The following KLF12 variants were observed in gnomAD, a reference collection of about 807,000 sequenced individuals.
KLF12 encodes the protein KLF transcription factor 12.
KLF12 carries 9 observed loss-of-function variants against 37.8 expected under a neutral mutation model. The observed-to-expected ratio is 0.24, with a 90% CI of 0.14 to 0.42. The LOEUF is 0.42. Among genes scored for constraint, KLF12 ranks in the 10% least tolerant of loss-of-function variants. The pLI is 1.00. For synonymous variants in KLF12, 208 were observed against 202.1 expected, an observed-to-expected ratio of 1.03 and a Z score of -0.25; for missense variants, 411 against 516.0, an observed-to-expected ratio of 0.80 and a Z score of 1.97.
At chr13:73,724,064 CA>C (rs539348175) in intron 6 of KLF12, among the ~76,000 whole-genome samples, 59 of 152,260 alleles carry the variant, frequency 3.9e-4, no homozygotes, top group African/African-American at 1.1e-3. Flanking sequence ...GATTATAAAT[CA>C]TTCTACTATA....
chr13:73,854,568 A>C (rs1885507788), intron 3 of KLF12, among the ~76,000 whole-genome samples: 1 of 152,230 alleles, frequency 6.6e-6, no homozygotes, highest in African/African-American at 2.4e-5. Flanking sequence ...TTAGCAAAAC[A>C]ATGGCTTTGC....
intron 1 of KLF12, among the ~76,000 whole-genome samples, chr13:74,034,326 C>A (rs1458850720): frequency 6.6e-6 from 1 of 152,200 alleles, no homozygotes; most frequent in Non-Finnish European, 1.5e-5. Context: ...GCCTTGGCCT[C>A]CCAAAGTGCT....
chr13:73,982,823 TA>T (rs1891722186), intron 2 of KLF12, among the ~76,000 whole-genome samples: 1 of 152,154 alleles, frequency 6.6e-6, no homozygotes, highest in South Asian at 2.1e-4. Context: ...ATCTACCACA[TA>T]CTGGAAAACT....
In KLF12 at chr13:73,705,461, A is replaced by G. The variant is rs145710416; in HGVS notation, c.1028-9790T>C. Among the ~76,000 whole-genome samples the G allele has an allele frequency of 2.5e-3, 384 of 152,170 alleles. 2 individuals carry two copies. The highest frequency in any genetic ancestry group is 4.4e-3 in the Non-Finnish European group (297 of 68,000). On this transcript the variant is annotated intron_variant, in intron 7 of 7. Transcript: ENST00000377669. ...GCTAATTTTTGTAATTTTAGTAGAG[A>G]TGGGTTTTGCCATGTTGGCCAGGCT... is the stretch of plus-strand genomic sequence containing the variant.
intron 1 of KLF12, among the ~76,000 whole-genome samples, chr13:73,997,078 G>A (rs1025132493): frequency 6.6e-6 from 1 of 152,078 alleles, no homozygotes; most frequent in African/African-American, 2.4e-5. Context: ...AGCATGGGAC[G>A]GCCTGATACA....
chr13:73,955,208 A>G (rs1280881633), intron 2 of KLF12, among the ~76,000 whole-genome samples: 1 of 152,242 alleles, frequency 6.6e-6, no homozygotes, highest in Non-Finnish European at 1.5e-5. Flanking sequence ...AATAGCAGTA[A>G]TAGTGGTATT....
the KLF12 span, among the ~76,000 whole-genome samples, chr13:74,226,832 C>T: frequency 6.8e-4 from 103 of 152,176 alleles, 1 homozygote; most frequent in African/African-American, 2.3e-3. Flanking sequence ...TGATACCATA[C>T]GTTACATATA....
At chr13:73,856,199 G>T (rs534307382) in intron 3 of KLF12, among the ~76,000 whole-genome samples, 155 of 152,290 alleles carry the variant, frequency 1.0e-3, no homozygotes, top group African/African-American at 3.5e-3. Flanking sequence ...CAGAAAGGAG[G>T]ACAACTGATG....
intron 1 of KLF12, among the ~76,000 whole-genome samples, chr13:74,004,933 C>G (rs1166207917): frequency 6.8e-6 from 1 of 146,260 alleles, no homozygotes; most frequent in Admixed American, 6.8e-5. Context: ...AACCTGTGCA[C>G]AGACAAAAAA....
intron 5 of KLF12, among the ~76,000 whole-genome samples, chr13:73,776,272 C>T (rs986628607): frequency 1.7e-4 from 26 of 152,118 alleles, no homozygotes; most frequent in South Asian, 4.2e-4. Flanking sequence ...CGGTCTGATC[C>T]GTAAACAGCT....
the KLF12 span, among the ~76,000 whole-genome samples, chr13:74,245,468 T>C: frequency 3.3e-5 from 5 of 152,124 alleles, no homozygotes; most frequent in African/African-American, 1.2e-4. Flanking sequence ...AGACAGGTTT[T>C]AAAACAAAGC....
chr13:73,944,910 T>G (rs1890350146), intron 2 of KLF12, among the ~76,000 whole-genome samples: 1 of 152,218 alleles, frequency 6.6e-6, no homozygotes, highest in African/African-American at 2.4e-5. Context: ...GCTCATATTT[T>G]TAAACATGTT....
At chr13:73,888,676 GAAAC>G (rs1406377464) in intron 3 of KLF12, among the ~76,000 whole-genome samples, 1 of 152,146 alleles carries the variant, frequency 6.6e-6, no homozygotes, top group Admixed American at 6.5e-5. Context: ...TGTCACAAAA[GAAAC>G]AACAATTTTA....
intron 5 of KLF12, among the ~76,000 whole-genome samples, chr13:73,784,077 C>T (rs1594087201): frequency 1.3e-5 from 2 of 152,264 alleles, no homozygotes; most frequent in South Asian, 4.2e-4. Context: ...TATTAAGACT[C>T]TTTCCCTGGC....
rs540200103 is a variant in KLF12 at position 73,996,247 on chromosome 13, T to C, written c.-31-1194A>G. ...TGCTACTAAAAAGGGAATCCAACAT[T>C]TCAATATTATAGTGGCAGACTAAAA... On this transcript the variant is annotated intron_variant, in intron 1 of 7. Transcript: ENST00000377669. Among the ~76,000 whole-genome samples, 3 of 152,344 alleles carry C rather than the reference T, an allele frequency of 2.0e-5. No individual in the cohort carries two copies. The East Asian group carries it at 5.8e-4, about 29-fold the overall frequency.
At chr13:74,086,089 C>T (rs1315521445) in intron 1 of KLF12, among the ~76,000 whole-genome samples, 1 of 151,068 alleles carries the variant, frequency 6.6e-6, no homozygotes, top group African/African-American at 2.4e-5. Flanking sequence ...TTTGTTTTAA[C>T]AATTAACTAA....
At chr13:73,814,196 T>C (rs1233728409) in intron 4 of KLF12, among the ~76,000 whole-genome samples, 1 of 152,222 alleles carries the variant, frequency 6.6e-6, no homozygotes, top group Non-Finnish European at 1.5e-5. Context: ...CCACATGAGC[T>C]ACACACCCAC....
chr13:73,951,701 G>C (rs1330537661), intron 2 of KLF12, among the ~76,000 whole-genome samples: 1 of 152,160 alleles, frequency 6.6e-6, no homozygotes, highest in Non-Finnish European at 1.5e-5. Context: ...ACCTACAGCA[G>C]GTGCCTCTAA....
the KLF12 span, among the ~76,000 whole-genome samples, chr13:74,207,669 T>C: frequency 2.0e-5 from 3 of 152,114 alleles, no homozygotes; most frequent in African/African-American, 7.2e-5. Flanking sequence ...TGAGACTCCA[T>C]CTCAAAAACA....
Sources: gnomAD v4.1 joint callset for allele counts (sites outside exome capture counted in the v4.1 genomes callset) on GRCh38, gnomAD v4.1.1 for gene constraint, MANE v1.5 for transcripts, NCBI Gene and HGNC (gene_info 2026-07-23, HGNC 2026-07-21) for gene names.